The following LHFPL3 variants were observed in gnomAD, a reference collection of about 807,000 sequenced individuals.
LHFPL3 encodes LHFPL tetraspan subfamily member 3, also known as LHFPL tetraspan subfamily member 3 protein.
In LHFPL3, 5 loss-of-function variants were observed where a neutral mutation model predicts 19.3. That is an observed-to-expected ratio of 0.26 (90% CI 0.14 to 0.54). The LOEUF (loss-of-function observed/expected upper bound fraction) is 0.54, where lower values mean the gene tolerates loss of function less well. Among genes scored for constraint, LHFPL3 ranks in the 20% least tolerant of loss-of-function variants. The probability of loss-of-function intolerance (pLI) is 0.94; values close to 1 mark genes in which losing one functional copy is unlikely to be tolerated. For synonymous variants in LHFPL3, 133 were observed against 126.2 expected (o/e 1.05, Z -0.36); for missense variants, 249 against 307.4 (o/e 0.81, Z 1.42).
At chr7:104,575,131 T>G (rs1049647389) in intron 1 of LHFPL3, among the ~76,000 whole-genome samples, 4 of 152,160 alleles carry the variant, frequency 2.6e-5, no homozygotes. Flanking sequence ...TAAGAATATT[T>G]TGCAAATGAC....
intron 1 of LHFPL3, among the ~76,000 whole-genome samples, chr7:104,540,432 G>A (rs972393548): frequency 3.3e-5 from 5 of 152,072 alleles, no homozygotes; most frequent in African/African-American, 1.2e-4. Context: ...AGCATCTACT[G>A]GGTACAGGCC....
chr7:104,538,330 A>T (rs1794425405), intron 1 of LHFPL3, among the ~76,000 whole-genome samples: 1 of 152,176 alleles, frequency 6.6e-6, no homozygotes, highest in African/African-American at 2.4e-5. Context: ...ACACTTAGGG[A>T]TGAGTGTTGG....
At chr7:104,641,427 T>A (rs2115894634) in intron 1 of LHFPL3, among the ~76,000 whole-genome samples, 1 of 152,306 alleles carries the variant, frequency 6.6e-6, no homozygotes, top group Non-Finnish European at 1.5e-5. Context: ...TGAGCTAATT[T>A]TGTTATGAGA....
intron 1 of LHFPL3, among the ~76,000 whole-genome samples, chr7:104,634,920 C>T (rs7781331): frequency 0.54 from 82,081 of 151,878 alleles, 22,654 homozygotes; most frequent in Non-Finnish European, 0.6. Context: ...AAACTAAAAC[C>T]AAACAGGAAA....
intron 1 of LHFPL3, among the ~76,000 whole-genome samples, chr7:104,432,056 A>AT (rs1288416007): frequency 6.6e-6 from 1 of 152,064 alleles, no homozygotes; most frequent in Non-Finnish European, 1.5e-5. Context: ...GGTTTCTGTG[A>AT]TTTTCCAAGG....
chr7:104,520,484 C>T (rs1360849760), intron 1 of LHFPL3, among the ~76,000 whole-genome samples: 3 of 145,602 alleles, frequency 2.1e-5, no homozygotes, highest in Non-Finnish European at 3.0e-5. Context: ...GGAGGATTCC[C>T]TCTTTTTCTA....
intron 1 of LHFPL3, among the ~76,000 whole-genome samples, chr7:104,731,197 C>A (rs1793697172): frequency 6.6e-6 from 1 of 152,120 alleles, no homozygotes; most frequent in South Asian, 2.1e-4. Flanking sequence ...CAGCTTTGTT[C>A]TTTTGGCTTA....
chr7:104,736,137 A>G (rs1793811372), intron 1 of LHFPL3, among the ~76,000 whole-genome samples: 1 of 152,186 alleles, frequency 6.6e-6, no homozygotes, highest in Non-Finnish European at 1.5e-5. Context: ...AAAGAAAAGG[A>G]AGGAGAAAAA....
chr7:104,508,020 A>G (rs1383264917), intron 1 of LHFPL3, among the ~76,000 whole-genome samples: 3 of 145,090 alleles, frequency 2.1e-5, no homozygotes, highest in South Asian at 2.3e-4. Context: ...GGGACTGTAA[A>G]CTAGTTCAAC....
At chr7:104,512,074 C>T (rs1266942399) in intron 1 of LHFPL3, among the ~76,000 whole-genome samples, 1 of 151,342 alleles carries the variant, frequency 6.6e-6, no homozygotes, top group Non-Finnish European at 1.5e-5. Context: ...CATACCTCAG[C>T]CACCTGAAGA....
At chr7:104,587,836 A>G (rs1206856800) in intron 1 of LHFPL3, among the ~76,000 whole-genome samples, 4 of 152,000 alleles carry the variant, frequency 2.6e-5, no homozygotes, top group African/African-American at 4.8e-5. Flanking sequence ...ATGGTATCTC[A>G]TTGTGGTTTT....
At position 104,558,757 on chromosome 7, in the gene LHFPL3, G is replaced by A. The variant is rs1261272882; in HGVS notation, c.446-177918G>A. On this transcript the variant is annotated intron_variant, in intron 1 of 2. Coordinates refer to ENST00000424859, the MANE Select transcript of LHFPL3 (RefSeq NM_199000.3). ...TTTTAGACATGAAGTCCTTGCCCAT[G>A]CCTATGTCCTGAATGGTATTGCCTA... Among the ~76,000 whole-genome samples the A allele has an allele frequency of 6.7e-5, 10 of 148,854 alleles. No individual in the cohort carries two copies. The East Asian group carries it at 1.5e-3, about 23-fold the overall frequency.
chr7:104,745,839 C>G (rs1794036176), intron 2 of LHFPL3, among the ~76,000 whole-genome samples: 2 of 152,156 alleles, frequency 1.3e-5, no homozygotes, highest in Admixed American at 1.3e-4. Flanking sequence ...ATTTTGTCTT[C>G]TTGAAAAACT....
At chr7:104,814,730 T>TGCCCAAATTCCAGA (rs1790532368) in intron 2 of LHFPL3, among the ~76,000 whole-genome samples, 1 of 152,232 alleles carries the variant, frequency 6.6e-6, no homozygotes, top group African/African-American at 2.4e-5. Flanking sequence ...TGCTCGTCAG[T>TGCCCAAATTCCAGA]GCCCAAATTC....
rs1562865414 is a variant in LHFPL3 at position 104,328,821 on chromosome 7, G to A, written c.42G>A (p.Ala14=). The change falls in exon 1 of 3, where the codon GCG becomes GCA. Residue 14 remains alanine (A), a synonymous_variant. Coordinates refer to ENST00000424859, the MANE Select transcript of LHFPL3 (RefSeq NM_199000.3). This position sits in a 1 kb window ranked among gnomAD's most constrained non-coding sequence, Gnocchi z 4.6. ...AAAAAAAAAA[A]MLPAQEAAKL... ...CCGCTGCCGCCGCCGCCGCCGCCGC[G>A]ATGCTCCCGGCTCAGGAGGCTGCCA... is the stretch of plus-strand genomic sequence containing the variant. The A allele has an allele frequency of 6.2e-7, 1 of 1,611,566 alleles. No homozygotes were observed. The highest frequency in any genetic ancestry group is 8.5e-7 in the Non-Finnish European group (1 of 1,178,722).
chr7:104,770,408 G>A (rs1463575962), intron 2 of LHFPL3, among the ~76,000 whole-genome samples: 1 of 152,168 alleles, frequency 6.6e-6, no homozygotes, highest in Non-Finnish European at 1.5e-5. Context: ...CCTGCTCATG[G>A]TCTCAATAAA....
intron 1 of LHFPL3, among the ~76,000 whole-genome samples, chr7:104,735,352 C>T (rs1389928591): frequency 2.6e-5 from 4 of 152,356 alleles, no homozygotes; most frequent in African/African-American, 2.4e-5. Flanking sequence ...CCTTGAGCTG[C>T]GGTGGGCTCC....
intron 1 of LHFPL3, among the ~76,000 whole-genome samples, chr7:104,346,895 G>A (rs1350574207): frequency 6.7e-6 from 1 of 148,544 alleles, no homozygotes; most frequent in Non-Finnish European, 1.5e-5. Context: ...GCATTACCAG[G>A]AAGAAAAATG....
chr7:104,766,207 A>G (rs1301901254), intron 2 of LHFPL3, among the ~76,000 whole-genome samples: 2 of 152,188 alleles, frequency 1.3e-5, no homozygotes, highest in East Asian at 1.9e-4. Flanking sequence ...CTTTGTTGAT[A>G]TGGGAGATTA....
Sources: gnomAD v4.1 joint callset for allele counts (sites outside exome capture counted in the v4.1 genomes callset) on GRCh38, gnomAD v4.1.1 for gene constraint, Gnocchi (gnomAD v3.1) non-coding constraint, MANE v1.5 for transcripts, NCBI Gene and HGNC (gene_info 2026-07-23, HGNC 2026-07-21) for gene names.